HDX: variants seen among roughly 807,000 people sequenced by gnomAD.
HDX encodes highly divergent homeobox.
Under a neutral mutation model 45.2 loss-of-function variants are expected in HDX, and 19 were observed. That is an observed-to-expected ratio of 0.42 (90% CI 0.29 to 0.62). The LOEUF (loss-of-function observed/expected upper bound fraction) is 0.62, where lower values mean the gene tolerates loss of function less well. Among genes scored for constraint, HDX ranks in the 20% least tolerant of loss-of-function variants. The probability of loss-of-function intolerance (pLI) is 0.20; values close to 1 mark genes in which losing one functional copy is unlikely to be tolerated. For synonymous variants in HDX, 188 were observed against 172.8 expected (o/e 1.09, Z -0.69); for missense variants, 532 against 493.9 (o/e 1.08, Z -0.73).
chrX:84,480,534 A>T (rs1023160952), intron 2 of HDX, among the ~76,000 whole-genome samples: 10 of 111,079 alleles, frequency 9.0e-5, no homozygotes, highest in Non-Finnish European at 1.5e-4. Context: ...TGTTTATTAA[A>T]CTGAGTTCTT....
In HDX at chrX:84,488,324, AACACACACACACACAC is replaced by A. The variant is rs200905875; in HGVS notation, c.-109-208_-109-193del. On this transcript the variant is annotated intron_variant, in intron 1 of 10. Coordinates refer to ENST00000373177, the MANE Select transcript of HDX (RefSeq NM_001177479.2). ...CTGATATTACTGGTTTAAAATCTAA[AACACACACACACACAC>A]ACACACACACACACACACACACACA... Among the ~76,000 whole-genome samples the A allele has an allele frequency of 8.4e-5, 8 of 94,872 alleles. No homozygotes were observed. The East Asian group carries it at 1.0e-3, about 12-fold the overall frequency. The allele number at this position is 94,872 out of a possible 115,157, so 82.4% of individuals were successfully genotyped here.
chrX:84,421,263 AAGTT>A (rs1422949166), intron 5 of HDX, among the ~76,000 whole-genome samples: 4 of 111,993 alleles, frequency 3.6e-5, no homozygotes, highest in South Asian at 3.7e-4. Flanking sequence ...AAAAGAAAAA[AAGTT>A]AGTAAGTTGG....
chrX:84,346,832 G>T (rs915612367), intron 6 of HDX, among the ~76,000 whole-genome samples: 1 of 111,467 alleles, frequency 9.0e-6, no homozygotes, highest in Non-Finnish European at 1.9e-5. Flanking sequence ...GATTAGTGAA[G>T]AATTCTTAGA....
At chrX:84,500,469 CACAACA>C (rs368488267) in intron 1 of HDX, among the ~76,000 whole-genome samples, 4 of 104,824 alleles carry the variant, frequency 3.8e-5, no homozygotes, top group African/African-American at 1.5e-4. Flanking sequence ...CACACACACA[CACAACA>C]ACAACAACAA....
At chrX:84,324,107 T>G (rs1391395861) in intron 10 of HDX, among the ~76,000 whole-genome samples, 3 of 111,835 alleles carry the variant, frequency 2.7e-5, no homozygotes, top group Non-Finnish European at 5.7e-5. Flanking sequence ...AAGTGGCTAT[T>G]GATTTAAATA....
rs896648982 is a variant in HDX, at chrX:84,485,180, G to C, written c.-1+2844C>G. On this transcript the variant is annotated intron_variant, in intron 2 of 10. Transcript: ENST00000373177. ...GTCCCAGAAAATGATTTCTCTTTGT[G>C]ACTGTTCCATGAACACTTGAAAGGA... Among the ~76,000 whole-genome samples, 8 of 111,338 alleles carry C rather than the reference G, an allele frequency of 7.2e-5. No homozygotes were observed. In the Admixed American group the frequency reaches 7.6e-4, roughly 11 times the overall value.
intron 5 of HDX, among the ~76,000 whole-genome samples, chrX:84,391,106 A>G (rs1011255680): frequency 9.0e-6 from 1 of 110,858 alleles, no homozygotes; most frequent in Non-Finnish European, 1.9e-5. Flanking sequence ...TTTTTTAATC[A>G]CCCCTCCCAT....
At chrX:84,391,174 A>G (rs1445681216) in intron 5 of HDX, among the ~76,000 whole-genome samples, 1 of 107,173 alleles carries the variant, frequency 9.3e-6, no homozygotes, top group Non-Finnish European at 2.0e-5. Flanking sequence ...AAACGTTTTT[A>G]GCTGTCACAT....
intron 4 of HDX, among the ~76,000 whole-genome samples, chrX:84,456,241 A>T (rs1393537343): frequency 9.0e-6 from 1 of 111,528 alleles, no homozygotes; most frequent in Admixed American, 9.5e-5. Context: ...TAGAAGACAA[A>T]CCAATAAAAA....
chrX:84,444,169 T>C (rs1219684883), intron 4 of HDX, among the ~76,000 whole-genome samples: 3 of 110,352 alleles, frequency 2.7e-5, no homozygotes, highest in Non-Finnish European at 5.7e-5. Context: ...ATGAGCACGG[T>C]GGAATAAAAA....
intron 4 of HDX, among the ~76,000 whole-genome samples, chrX:84,455,184 A>G (rs756944787): frequency 1.8e-5 from 2 of 111,564 alleles, no homozygotes; most frequent in Non-Finnish European, 3.8e-5. Context: ...AACATCCACA[A>G]CCATCAAGGC....
chrX:84,416,876 C>T (rs768730668), intron 5 of HDX, among the ~76,000 whole-genome samples: 168 of 111,110 alleles, frequency 1.5e-3, no homozygotes, highest in African/African-American at 4.8e-3. Context: ...CAGTCCTGGC[C>T]GGGCATGGTG....
At chrX:84,438,866 G>T (rs1325134776) in intron 5 of HDX, among the ~76,000 whole-genome samples, 1 of 111,216 alleles carries the variant, frequency 9.0e-6, no homozygotes, top group African/African-American at 3.3e-5. Context: ...GTGCCTTTAT[G>T]ATAGAATGAA....
chrX:84,327,728 G>T (rs1307346645), intron 9 of HDX, among the ~76,000 whole-genome samples: 2 of 111,322 alleles, frequency 1.8e-5, no homozygotes, highest in Non-Finnish European at 3.8e-5. Flanking sequence ...GTTACCTTGG[G>T]TTAGGCAAAA....
At chrX:84,487,422 C>G (rs1334142628) in intron 2 of HDX, among the ~76,000 whole-genome samples, 1 of 112,171 alleles carries the variant, frequency 8.9e-6, no homozygotes, top group African/African-American at 3.2e-5. Flanking sequence ...TGGCAGAACA[C>G]AGTTAGCAGG....
intron 9 of HDX, among the ~76,000 whole-genome samples, chrX:84,332,185 G>T (rs185114914): frequency 9.0e-6 from 1 of 111,311 alleles, no homozygotes; most frequent in Admixed American, 9.6e-5. Flanking sequence ...AAGTTCATGT[G>T]AGGTGAGTTG....
intron 5 of HDX, among the ~76,000 whole-genome samples, chrX:84,394,826 C>A (rs1412020338): frequency 9.1e-6 from 1 of 110,175 alleles, no homozygotes; most frequent in Non-Finnish European, 1.9e-5. Context: ...CCTCTGCTTG[C>A]TTTTGGTTTC....
intron 2 of HDX, among the ~76,000 whole-genome samples, chrX:84,475,875 G>T (rs1210072476): frequency 1.8e-5 from 2 of 111,349 alleles, no homozygotes; most frequent in African/African-American, 6.5e-5. Flanking sequence ...TTTCATCTTG[G>T]ATAAAGGGAT....
At chrX:84,493,989 A>G (rs1298109580) in intron 1 of HDX, among the ~76,000 whole-genome samples, 9 of 111,116 alleles carry the variant, frequency 8.1e-5, no homozygotes, top group Admixed American at 7.7e-4. Context: ...TACACCTACT[A>G]TGTACCCACA....
Sources: gnomAD v4.1 joint callset for allele counts (sites outside exome capture counted in the v4.1 genomes callset) on GRCh38, gnomAD v4.1.1 for gene constraint, MANE v1.5 for transcripts, NCBI Gene and HGNC (gene_info 2026-07-23, HGNC 2026-07-21) for gene names.